Variants in ADPGK observed in about 807,000 individuals in gnomAD.
ADPGK encodes ADP-dependent glucokinase.
A neutral mutation model predicts 42.4 loss-of-function variants in ADPGK; 26 were observed. The ratio of observed to expected loss-of-function variants is 0.61; its 90% CI spans 0.45 to 0.85. The LOEUF is 0.85. ADPGK is among the 40% of genes least tolerant of loss of function. The pLI is 0.00. For missense variants in ADPGK, 571 were observed against 627.0 expected (o/e 0.91, Z 0.95); for synonymous variants, 267 against 252.6 (o/e 1.06, Z -0.54).
At chr15:72,755,466 T>C in intron 6 of ADPGK, 90 bp downstream of exon 6, 17 of 956,014 alleles carry the variant, frequency 1.8e-5, no homozygotes, top group Non-Finnish European at 2.7e-5. Context: ...AGCCAGTCCC[T>C]GAGCCCAAAC....
chr15:72,760,344 C>A, intron 4 of ADPGK, 63 bp downstream of exon 4: 1 of 1,492,112 alleles, frequency 6.7e-7, no homozygotes. Flanking sequence ...ACAGTCACAC[C>A]CCAATCTGAC....
intron 6 of ADPGK, 74 bp from the exon 7 acceptor site, chr15:72,752,969 T>C (rs144348358): frequency 0.019 from 27,462 of 1,416,656 alleles, 322 homozygotes; most frequent in Non-Finnish European, 0.023. Flanking sequence ...ACACAGCCAG[T>C]GACTAAATGA....
intron 3 of ADPGK, among the ~76,000 whole-genome samples, chr15:72,767,819 G>C (rs1193720130): frequency 6.6e-6 from 1 of 152,090 alleles, no homozygotes; most frequent in Admixed American, 6.5e-5. Flanking sequence ...CAGTACTTAA[G>C]GGGAAATTTA....
rs781597770 is a variant in ADPGK, at chr15:72,783,591, G to A, written c.101C>T (p.Ser34Phe). The change falls in exon 1 of 7, where the codon TCT becomes TTT. Residue 34 changes from serine to phenylalanine, a missense_variant. Physicochemically the swap from Ser to Phe is radical, Grantham distance 155. Transcript: ENST00000456471. The stretch of plus-strand genomic sequence containing the variant: ...CCCCAGACACAGCGAGCTCCAGAGA[G>A]AGCGCAGCGCCGAGCCTGGCAGCTC... ...EPELPGSALR[S>F]LWSSLCLGPA... 34 of 1,516,286 alleles carry A rather than the reference G, an allele frequency of 2.2e-5. No individual in the cohort carries two copies. Among genetic ancestry groups the A allele is most frequent in the East Asian group, 7.8e-5 (3 of 38,230 alleles). 93.9% of individuals were successfully genotyped at this position (1,516,286 alleles called of 1,614,324 possible). A position where few individuals can be genotyped will look rare whatever the true frequency, so the allele number is the denominator to read the frequency against.
At chr15:72,764,705 G>A (rs1051290272) in intron 3 of ADPGK, among the ~76,000 whole-genome samples, 2 of 152,192 alleles carry the variant, frequency 1.3e-5, no homozygotes, top group African/African-American at 4.8e-5. Context: ...GAAGAAGTAC[G>A]TAAAATTATT....
intron 3 of ADPGK, among the ~76,000 whole-genome samples, chr15:72,761,650 G>A (rs1171017130): frequency 6.6e-6 from 1 of 151,658 alleles, no homozygotes; most frequent in Non-Finnish European, 1.5e-5. Context: ...AATGAGGACG[G>A]CACTGAGATT....
chr15:72,775,723 G>C (rs2066384022), intron 1 of ADPGK, among the ~76,000 whole-genome samples: 1 of 152,104 alleles, frequency 6.6e-6, no homozygotes, highest in Non-Finnish European at 1.5e-5. Context: ...GAATTTAGTG[G>C]TGTTTTACAG....
chr15:72,770,371 G>C (rs1368955900), intron 3 of ADPGK, among the ~76,000 whole-genome samples: 1 of 152,194 alleles, frequency 6.6e-6, no homozygotes, highest in African/African-American at 2.4e-5. Flanking sequence ...TGGTCCCAGG[G>C]GAGGTCAATA....
At chr15:72,767,527 C>T (rs1337083492) in intron 3 of ADPGK, among the ~76,000 whole-genome samples, 1 of 152,114 alleles carries the variant, frequency 6.6e-6, no homozygotes, top group Admixed American at 6.5e-5. Flanking sequence ...CACAGAACCT[C>T]ACCAAGATAG....
At chr15:72,764,864 A>G (rs2066238670) in intron 3 of ADPGK, among the ~76,000 whole-genome samples, 1 of 152,112 alleles carries the variant, frequency 6.6e-6, no homozygotes, top group South Asian at 2.1e-4. Flanking sequence ...ATTCTGAAAA[A>G]TCCTAGGATT....
intron 2 of ADPGK, among the ~76,000 whole-genome samples, chr15:72,774,096 G>C (rs1452637724): frequency 1.3e-5 from 2 of 152,214 alleles, no homozygotes; most frequent in East Asian, 1.9e-4. Flanking sequence ...ACCTGCCTCA[G>C]CCTCCCAAAG....
At position 72,762,064 on chromosome 15, in the gene ADPGK, G is replaced by C. The variant is rs144465004; in HGVS notation, c.523-1537C>G. Among the ~76,000 whole-genome samples the C allele has an allele frequency of 7.1e-3, 1,077 of 152,262 alleles. 9 individuals are homozygous for C. Among genetic ancestry groups the C allele is most frequent in the African/African-American group, 0.025 (1,029 of 41,540 alleles). On this transcript the variant is annotated intron_variant, in intron 3 of 6. Coordinates refer to ENST00000456471, the MANE Select transcript of ADPGK (RefSeq NM_001365225.1). ...TTTTTCTATTTTTAGTAGAGACGGG[G>C]TTTCACCATGTTGGTCAGGCTGGTC... is the stretch of plus-strand genomic sequence containing the variant.
At chr15:72,754,217 C>T (rs1380451231) in intron 6 of ADPGK, among the ~76,000 whole-genome samples, 1 of 152,084 alleles carries the variant, frequency 6.6e-6, no homozygotes, top group African/African-American at 2.4e-5. Flanking sequence ...GCCAACTTGT[C>T]TAATCCACAG....
chr15:72,752,723 CT>C lies in ADPGK; in HGVS notation c.1111del (p.Ser371AlafsTer50). ...GATCCTGGTGAGATCCGAGGCTCTG[CT>C]TTTACTCCTCCCATGTTCTTTCAAG... ...WILKEHGRSK[S>X]RASDLTRIHF... On this transcript the variant is annotated frameshift_variant, in exon 7 of 7. Transcript: ENST00000456471. LOFTEE classifies it high-confidence loss of function. The C allele has an allele frequency of 1.9e-6, 3 of 1,614,198 alleles. No individual in the cohort carries two copies. The highest frequency in any genetic ancestry group is 2.5e-6 in the Non-Finnish European group (3 of 1,180,044).
At chr15:72,775,594 A>G (rs2066382202) in intron 1 of ADPGK, among the ~76,000 whole-genome samples, 1 of 152,202 alleles carries the variant, frequency 6.6e-6, no homozygotes. Context: ...AGTAAGCAAA[A>G]TATGTGTTTC....
chr15:72,766,919 G>C (rs895511964), intron 3 of ADPGK, among the ~76,000 whole-genome samples: 1 of 152,194 alleles, frequency 6.6e-6, no homozygotes, highest in Non-Finnish European at 1.5e-5. Context: ...CAAGATGTTA[G>C]ATTTAAACCT....
At chr15:72,767,702 T>C (rs901004877) in intron 3 of ADPGK, among the ~76,000 whole-genome samples, 6 of 152,198 alleles carry the variant, frequency 3.9e-5, no homozygotes, top group Non-Finnish European at 7.4e-5. Context: ...AAGTAGTCCA[T>C]GAATGGGCTA....
intron 3 of ADPGK, among the ~76,000 whole-genome samples, chr15:72,766,081 A>C (rs1437343271): frequency 6.6e-6 from 1 of 152,190 alleles, no homozygotes; most frequent in African/African-American, 2.4e-5. Context: ...TCAAACTCCT[A>C]GGCTTAAGAG....
At chr15:72,779,852 A>G (rs2066435199) in intron 1 of ADPGK, among the ~76,000 whole-genome samples, 1 of 152,220 alleles carries the variant, frequency 6.6e-6, no homozygotes, top group South Asian at 2.1e-4. Flanking sequence ...CATTTTCAGT[A>G]GCTGACAGAG....
Sources: allele counts gnomAD v4.1 joint callset (sites outside exome capture counted in the v4.1 genomes callset), GRCh38; gene constraint gnomAD v4.1.1; transcripts MANE v1.5; gene names NCBI Gene and HGNC (gene_info 2026-07-23, HGNC 2026-07-21).